DGKB: variants seen among roughly 807,000 people sequenced by gnomAD.
DGKB encodes 90 kDa diacylglycerol kinase.
Under a neutral mutation model 114.3 loss-of-function variants are expected in DGKB, and 67 were observed. That is an observed-to-expected ratio of 0.59 (90% CI 0.48 to 0.72). The LOEUF (loss-of-function observed/expected upper bound fraction) is 0.72. Ranked by LOEUF, DGKB falls within the 30% of genes least tolerant of loss-of-function variation. The pLI, the probability that DGKB is intolerant of heterozygous loss-of-function variation, is 0.00. For synonymous variants in DGKB, 398 were observed against 323.1 expected (o/e 1.23, Z -2.49); for missense variants, 907 against 975.2 (o/e 0.93, Z 0.93).
chr7:14,417,463 T>A (rs1416529730), intron 21 of DGKB, among the ~76,000 whole-genome samples: 1 of 152,018 alleles, frequency 6.6e-6, no homozygotes, highest in African/African-American at 2.4e-5. Flanking sequence ...ATCCACTAAT[T>A]CAGAATATTA....
chr7:14,675,574 G>A lies in DGKB; in HGVS notation c.1036-2547C>T, dbSNP rs150950499. On this transcript the variant is annotated intron_variant, in intron 12 of 25. Transcript: ENST00000402815. ...TTTCAGAGCATAGGTACTGACAGTT[G>A]ATTCCATGAAATTCTGGTCTTTGCA... Among the ~76,000 whole-genome samples, 770 of 151,806 alleles carry A rather than the reference G, an allele frequency of 5.1e-3. 5 individuals are homozygous for A. Among genetic ancestry groups the A allele is most frequent in the African/African-American group, 0.018 (748 of 41,422 alleles).
intron 5 of DGKB, among the ~76,000 whole-genome samples, chr7:14,719,503 T>C (rs1174801224): frequency 2.1e-5 from 3 of 144,326 alleles, no homozygotes; most frequent in Non-Finnish European, 4.6e-5. Flanking sequence ...AATTATCCCT[T>C]GAGGGATATA....
At chr7:14,798,926 A>C (rs1841779493) in intron 2 of DGKB, among the ~76,000 whole-genome samples, 1 of 152,240 alleles carries the variant, frequency 6.6e-6, no homozygotes, top group African/African-American at 2.4e-5. Context: ...TATCTAGGAA[A>C]ATAGTAAATC....
At chr7:14,919,095 A>ACAAACACACACACACACACACAC (rs1554345122) in intron 1 of DGKB, among the ~76,000 whole-genome samples, 1 of 114,920 alleles carries the variant, frequency 8.7e-6, no homozygotes, top group African/African-American at 3.6e-5. Context: ...CACACACACA[A>ACAAACACACACACACACACACAC]ACACACACAC....
chr7:14,222,601 G>C (rs1790173436), intron 23 of DGKB, among the ~76,000 whole-genome samples: 1 of 151,422 alleles, frequency 6.6e-6, no homozygotes, highest in African/African-American at 2.4e-5. Flanking sequence ...ATAGTCTACA[G>C]TTGTTGGCTG....
At chr7:14,960,902 T>C (rs905729045) in intron 1 of DGKB, among the ~76,000 whole-genome samples, 1 of 152,118 alleles carries the variant, frequency 6.6e-6, no homozygotes, top group African/African-American at 2.4e-5. Context: ...GGTAAATGTT[T>C]TATTACCCAT....
At chr7:14,880,832 T>C (rs1854110140) in intron 1 of DGKB, among the ~76,000 whole-genome samples, 1 of 152,194 alleles carries the variant, frequency 6.6e-6, no homozygotes, top group Non-Finnish European at 1.5e-5. Context: ...TACAACTACA[T>C]AATATATAGG....
At position 14,688,398 on chromosome 7, in the gene DGKB, T is replaced by C. The variant is rs77655503; in HGVS notation, c.712-3036A>G. ...GAAAGGAAAATACCCACTTCCCTTT[T>C]CCAGGCCGTGGTGTGAGGTTTCATT... On this transcript the variant is annotated intron_variant, in intron 9 of 25. Transcript: ENST00000402815. 7.2e-5 allele frequency among the ~76,000 whole-genome samples: 11 copies of C among 152,262 alleles called. No homozygotes were observed. In the East Asian group the frequency reaches 2.1e-3, roughly 29 times the overall value.
At chr7:14,253,437 A>C (rs975935447) in intron 23 of DGKB, among the ~76,000 whole-genome samples, 3 of 152,156 alleles carry the variant, frequency 2.0e-5, no homozygotes, top group Non-Finnish European at 2.9e-5. Flanking sequence ...GATCTCCTCT[A>C]CATCTCCAGC....
chr7:14,879,141 A>G lies in DGKB; in HGVS notation c.-188+23451T>C, dbSNP rs75611371. Reference sequence around the variant, plus strand: ...CAAAGAACTAATGTATATCAAGACAATGATTCACAGATTAAGGTAAAGTAG... The same window carrying G: ...CAAAGAACTAATGTATATCAAGACAGTGATTCACAGATTAAGGTAAAGTAG... On this transcript the variant is annotated intron_variant, in intron 1 of 25. Coordinates refer to ENST00000402815, the MANE Select transcript of DGKB (RefSeq NM_001350709.2). Among the ~76,000 whole-genome samples the G allele has an allele frequency of 9.8e-3, 1,497 of 152,040 alleles. 52 individuals carry two copies. The highest frequency in any genetic ancestry group is 0.035 in the African/African-American group (1,439 of 41,302).
chr7:14,668,390 C>A (rs1818404196), intron 13 of DGKB, among the ~76,000 whole-genome samples: 1 of 152,042 alleles, frequency 6.6e-6, no homozygotes, highest in African/African-American at 2.4e-5. Context: ...CAGATAAAAT[C>A]TCTCTATTGG....
intron 21 of DGKB, among the ~76,000 whole-genome samples, chr7:14,417,171 T>A (rs1192770913): frequency 6.6e-6 from 1 of 152,082 alleles, no homozygotes. Context: ...AATGATTAGG[T>A]GTTTTCCAAG....
At chr7:14,289,344 G>C (rs1272797419) in intron 23 of DGKB, among the ~76,000 whole-genome samples, 1 of 151,898 alleles carries the variant, frequency 6.6e-6, no homozygotes, top group Non-Finnish European at 1.5e-5. Flanking sequence ...ATCAATAAAA[G>C]TAAAATGCTT....
Position 14,722,672 on chromosome 7 carries a change from C to T in DGKB, c.323-3987G>A, listed in dbSNP as rs570306056. On this transcript the variant is annotated intron_variant, in intron 5 of 25. Transcript: ENST00000402815. ...ACTAAAAATACAAAAATTAGCTGGG[C>T]GCGGTGGTACATGCTTGTAGTCCCA... Among the ~76,000 whole-genome samples the T allele has an allele frequency of 5.3e-5, 8 of 151,972 alleles. No homozygotes were observed. The South Asian group carries it at 1.0e-3, about 20-fold the overall frequency.
At chr7:14,364,054 G>A (rs912092942) in intron 21 of DGKB, among the ~76,000 whole-genome samples, 2 of 151,876 alleles carry the variant, frequency 1.3e-5, no homozygotes, top group Non-Finnish European at 2.9e-5. Flanking sequence ...TGTGGCCACC[G>A]ACTTTATTGA....
At chr7:14,203,483 C>G (rs1214311742) in intron 23 of DGKB, among the ~76,000 whole-genome samples, 1 of 151,858 alleles carries the variant, frequency 6.6e-6, no homozygotes, top group Non-Finnish European at 1.5e-5. Flanking sequence ...ATATTTAGCA[C>G]TAATGTATTT....
intron 23 of DGKB, among the ~76,000 whole-genome samples, chr7:14,299,533 A>G (rs1367763936): frequency 6.6e-6 from 1 of 152,170 alleles, no homozygotes; most frequent in Admixed American, 6.6e-5. Context: ...CACTACAAAG[A>G]TGCTTCATGC....
chr7:14,576,628 G>C (rs1011415712), intron 19 of DGKB, among the ~76,000 whole-genome samples: 2 of 152,034 alleles, frequency 1.3e-5, no homozygotes, highest in Non-Finnish European at 2.9e-5. Flanking sequence ...TTTCAAAAAG[G>C]TTGAATTTTT....
intron 21 of DGKB, among the ~76,000 whole-genome samples, chr7:14,368,138 C>T (rs1419680926): frequency 1.3e-5 from 2 of 148,220 alleles, no homozygotes; most frequent in Non-Finnish European, 3.0e-5. Flanking sequence ...ACTCCCTACC[C>T]CCACATATGC....
Sources: allele counts gnomAD v4.1 joint callset (sites outside exome capture counted in the v4.1 genomes callset), GRCh38; gene constraint gnomAD v4.1.1; transcripts MANE v1.5; gene names NCBI Gene and HGNC (gene_info 2026-07-23, HGNC 2026-07-21).